FGF14: variants seen among roughly 807,000 people sequenced by gnomAD.
FGF14 encodes the protein fibroblast growth factor homologous factor 4.
In FGF14, 5 loss-of-function variants were observed where a neutral mutation model predicts 25.5. That is an observed-to-expected ratio of 0.20 (90% CI 0.10 to 0.41). The LOEUF (loss-of-function observed/expected upper bound fraction) is 0.41. FGF14 is among the 10% of genes least tolerant of loss of function. The pLI, the probability that FGF14 is intolerant of heterozygous loss-of-function variation, is 1.00. For synonymous variants in FGF14, 138 were observed against 118.3 expected, an observed-to-expected ratio of 1.17 and a Z score of -1.08; for missense variants, 222 against 320.1, an observed-to-expected ratio of 0.69 and a Z score of 2.34.
intron 1 of FGF14, among the ~76,000 whole-genome samples, chr13:101,980,344 C>CA (rs35168923): frequency 0.012 from 1,755 of 144,158 alleles, 21 homozygotes; most frequent in Middle Eastern, 0.022. Flanking sequence ...CAGAAAATGT[C>CA]AAAAAAAAAA....
intron 3 of FGF14, among the ~76,000 whole-genome samples, chr13:101,849,719 G>C (rs2043649828): frequency 1.3e-5 from 2 of 152,068 alleles, no homozygotes; most frequent in South Asian, 4.1e-4. Flanking sequence ...TTTTGGCCAA[G>C]CTTTCCTTTA....
At chr13:102,036,503 G>C (rs975612535) in intron 1 of FGF14, among the ~76,000 whole-genome samples, 1 of 152,098 alleles carries the variant, frequency 6.6e-6, no homozygotes, top group Admixed American at 6.6e-5. Context: ...GTTCAATCTG[G>C]GTTGGTTGTG....
chr13:102,045,198 G>C (rs748020421), intron 1 of FGF14, among the ~76,000 whole-genome samples: 19 of 152,072 alleles, frequency 1.2e-4, no homozygotes, highest in Non-Finnish European at 2.8e-4. Context: ...TGCACACAGA[G>C]GTAGACTAAG....
chr13:102,020,660 T>G (rs2040595729), intron 1 of FGF14, among the ~76,000 whole-genome samples: 1 of 152,016 alleles, frequency 6.6e-6, no homozygotes, highest in Non-Finnish European at 1.5e-5. Flanking sequence ...AACAGGATTT[T>G]GGGTAGTGCT....
chr13:102,382,462 A>T (rs2058206418), intron 1 of FGF14, among the ~76,000 whole-genome samples: 1 of 152,108 alleles, frequency 6.6e-6, no homozygotes, highest in South Asian at 2.1e-4. Flanking sequence ...CTATCAAAAA[A>T]ACAGATCATA....
chr13:102,012,180 G>C (rs538353511), intron 1 of FGF14, among the ~76,000 whole-genome samples: 2 of 152,204 alleles, frequency 1.3e-5, no homozygotes, highest in South Asian at 4.2e-4. Context: ...AAAATGCCTT[G>C]TGGAAATGGA....
intron 3 of FGF14, among the ~76,000 whole-genome samples, chr13:101,808,787 A>C (rs2041340587): frequency 1.3e-5 from 2 of 152,220 alleles, no homozygotes; most frequent in South Asian, 4.1e-4. Context: ...TGAGGTTGGC[A>C]ATGTCTAGAT....
At chr13:102,019,912 T>C (rs937916481) in intron 1 of FGF14, among the ~76,000 whole-genome samples, 1 of 152,168 alleles carries the variant, frequency 6.6e-6, no homozygotes, top group Non-Finnish European at 1.5e-5. Flanking sequence ...ATGCCTTTCA[T>C]AGGAGATAAT....
intron 1 of FGF14, among the ~76,000 whole-genome samples, chr13:102,334,003 C>G (rs777225256): frequency 1.3e-5 from 2 of 152,128 alleles, no homozygotes; most frequent in Non-Finnish European, 1.5e-5. Flanking sequence ...GCTTGGCATG[C>G]CTGGTAGTCA....
At chr13:101,901,944 T>C (rs768886325) in intron 1 of FGF14, among the ~76,000 whole-genome samples, 30 of 152,318 alleles carry the variant, frequency 2.0e-4, no homozygotes, top group Non-Finnish European at 3.4e-4. Context: ...ATGCAATTCA[T>C]TTTGATGAGT....
At chr13:102,130,650 C>T (rs771805835) in intron 1 of FGF14, among the ~76,000 whole-genome samples, 1 of 151,302 alleles carries the variant, frequency 6.6e-6, no homozygotes, top group Non-Finnish European at 1.5e-5. Flanking sequence ...CTACCTATCA[C>T]AGGTAGAAAA....
At chr13:102,367,802 T>C (rs2057758288) in intron 1 of FGF14, 1 of 152,294 alleles carries the variant, frequency 6.6e-6, no homozygotes, top group Non-Finnish European at 1.5e-5. Context: ...GACAGTGCCA[T>C]GGCAGACCCA....
intron 1 of FGF14, among the ~76,000 whole-genome samples, chr13:102,361,683 C>T (rs1034266221): frequency 6.6e-6 from 1 of 152,144 alleles, no homozygotes; most frequent in Non-Finnish European, 1.5e-5. Flanking sequence ...ATGTGGGATT[C>T]GTTTCCAAAC....
chr13:102,097,597 C>T (rs1019997989), intron 1 of FGF14, among the ~76,000 whole-genome samples: 2 of 152,160 alleles, frequency 1.3e-5, no homozygotes, highest in Non-Finnish European at 2.9e-5. Flanking sequence ...GACGCAGTAA[C>T]ACTCAGACGC....
upstream of FGF14, chr13:102,401,829 G>A: frequency 5.6e-6 from 4 of 713,156 alleles, no homozygotes; most frequent in Admixed American, 7.4e-5. Flanking sequence ...AAGGGTTGGA[G>A]AAAAAATCCT....
At chr13:101,859,056 T>C (rs1359974880) in intron 3 of FGF14, among the ~76,000 whole-genome samples, 1 of 152,162 alleles carries the variant, frequency 6.6e-6, no homozygotes, top group Non-Finnish European at 1.5e-5. Flanking sequence ...AAATAAGTAC[T>C]TTTCTGCAAT....
chr13:102,320,624 A>C (rs9557853), intron 1 of FGF14, among the ~76,000 whole-genome samples: 2 of 152,180 alleles, frequency 1.3e-5, no homozygotes, highest in Non-Finnish European at 2.9e-5. Context: ...AATTAGAGGT[A>C]GGAGGCAAGG....
intron 1 of FGF14, among the ~76,000 whole-genome samples, chr13:101,988,152 G>T (rs746376561): frequency 5.9e-5 from 9 of 152,046 alleles, no homozygotes; most frequent in Non-Finnish European, 1.3e-4. Context: ...GTCTTAGATA[G>T]TTGTAGCAGA....
chr13:102,204,908 G>A (rs942788597), intron 1 of FGF14, among the ~76,000 whole-genome samples: 1 of 152,176 alleles, frequency 6.6e-6, no homozygotes, highest in African/African-American at 2.4e-5. Flanking sequence ...TAAAGCCATG[G>A]CAACACAAGG....
Sources: gnomAD v4.1 joint callset for allele counts (sites outside exome capture counted in the v4.1 genomes callset) on GRCh38, gnomAD v4.1.1 for gene constraint, MANE v1.5 for transcripts, NCBI Gene and HGNC (gene_info 2026-07-23, HGNC 2026-07-21) for gene names.